PCLO: variants seen among roughly 807,000 people sequenced by gnomAD.
PCLO encodes piccolo presynaptic cytomatrix protein.
A neutral mutation model predicts 427.5 loss-of-function variants in PCLO; 82 were observed. The ratio of observed to expected loss-of-function variants is 0.19; its 90% confidence interval spans 0.16 to 0.23. The LOEUF (loss-of-function observed/expected upper bound fraction) is 0.23. PCLO is among the 10% of genes least tolerant of loss of function. The probability of loss-of-function intolerance (pLI) is 1.00; values close to 1 mark genes in which losing one functional copy is unlikely to be tolerated. For missense variants in PCLO, 6,239 were observed against 6,115.9 expected, an observed-to-expected ratio of 1.02 and a Z score of -0.67; for synonymous variants, 2,357 against 2,155.4, an observed-to-expected ratio of 1.09 and a Z score of -2.59.
intron 6 of PCLO, among the ~76,000 whole-genome samples, chr7:82,922,350 A>G (rs1794616399): frequency 6.6e-6 from 1 of 152,086 alleles, no homozygotes; most frequent in Admixed American, 6.6e-5. Flanking sequence ...ATGTCCATCA[A>G]TGGTAGACTA....
At chr7:82,781,943 C>T (rs888814991) in intron 22 of PCLO, among the ~76,000 whole-genome samples, 6 of 152,176 alleles carry the variant, frequency 3.9e-5, no homozygotes, top group African/African-American at 1.4e-4. Flanking sequence ...CATACCTTGC[C>T]CTGCACATCT....
At chr7:83,053,110 T>C (rs1583961388) in intron 3 of PCLO, among the ~76,000 whole-genome samples, 2 of 152,114 alleles carry the variant, frequency 1.3e-5, no homozygotes, top group South Asian at 2.1e-4. Context: ...ACGTACAGTA[T>C]TCAGTCATGT....
Position 83,154,624 on chromosome 7 carries a change from C to T in PCLO, c.1893+124G>A, listed in dbSNP as rs115324078. ...TACAACTGGCAGAAAACAAAACGAA[C>T]GAAGGAGGGGAGAATCCAGAGAAAG... On this transcript the variant is annotated intron_variant, in intron 2 of 24. Coordinates refer to ENST00000333891, the MANE Select transcript of PCLO (RefSeq NM_033026.6). 4.1e-3 allele frequency: 3,043 copies of T among 740,936 alleles called. 95 individuals carry two copies. The African/African-American group carries it at 0.049, about 12-fold the overall frequency. 45.9% of individuals were successfully genotyped at this position (740,936 alleles called of 1,614,324 possible).
chr7:82,914,993 T>G lies in PCLO; in HGVS notation c.12993A>C (p.Ala4331=). ...TCGGCTTAGTTCTGGCAGAGGATGATGCATGACTAAAGGAAACATCTAGAG... is the reference window on the plus strand; with the variant it reads ...TCGGCTTAGTTCTGGCAGAGGATGAGGCATGACTAAAGGAAACATCTAGAG... The part of the protein sequence containing the change: ...AEALDVSFSH[A]SSSARTKPTS... The change falls in exon 7 of 25, where the codon GCA becomes GCC. Residue 4331 remains alanine (A), a synonymous_variant. Coordinates refer to ENST00000333891, the MANE Select transcript of PCLO (RefSeq NM_033026.6). 6.2e-7 allele frequency: 1 copy of G among 1,613,702 alleles called. No homozygotes were observed. The highest frequency in any genetic ancestry group is 8.5e-7 in the Non-Finnish European group (1 of 1,179,732).
chr7:82,908,285 A>T (rs1337225755), intron 8 of PCLO, among the ~76,000 whole-genome samples: 2 of 152,064 alleles, frequency 1.3e-5, no homozygotes, highest in Non-Finnish European at 2.9e-5. Flanking sequence ...TTTAATTCTG[A>T]AATTTACCTC....
rs754978263 is a variant in PCLO at position 82,951,874 on chromosome 7, A to G, written c.9079T>C (p.Ser3027Pro). ...EGTDTAVDLT[S>P]GRVTTGEVMD... ...TACTGACCTGTAGTAACTCTCCCTG[A>G]AGTCAGATCTACTGCTGTGTCAGTT... is the stretch of plus-strand genomic sequence containing the variant. Residue 3027 changes from serine to proline, a missense_variant, in exon 5 of 25, where the codon TCA (serine) becomes CCA (proline). Coordinates refer to ENST00000333891, the MANE Select transcript of PCLO (RefSeq NM_033026.6). 3 of 1,612,912 alleles carry G rather than the reference A, an allele frequency of 1.9e-6. No homozygotes were observed. The highest frequency in any genetic ancestry group is 2.5e-6 in the Non-Finnish European group (3 of 1,179,426).
At chr7:82,844,096 A>G (rs995743228) in intron 13 of PCLO, among the ~76,000 whole-genome samples, 14 of 152,206 alleles carry the variant, frequency 9.2e-5, no homozygotes, top group African/African-American at 1.4e-4. Flanking sequence ...TAATTTAAAA[A>G]GAAGTTGTCT....
chr7:82,915,871 C>G lies in PCLO; in HGVS notation c.12115G>C (p.Asp4039His). 3 of 1,613,542 alleles carry G rather than the reference C, an allele frequency of 1.9e-6. No individual in the cohort carries two copies. The highest frequency in any genetic ancestry group is 2.5e-6 in the Non-Finnish European group (3 of 1,179,774). Residue 4039 changes from aspartate to histidine, a missense_variant, in exon 7 of 25, where the codon GAT (aspartate) becomes CAT (histidine). This residue lies in a region of PCLO where 680 missense variants were observed against 677.3 expected (regional missense o/e 1.00). Coordinates refer to ENST00000333891, the MANE Select transcript of PCLO (RefSeq NM_033026.6). The part of the protein sequence containing the change: ...ISADSFYADI[D>H]HHTPRNYVLI... The stretch of plus-strand genomic sequence containing the variant: ...ACATAATTTCGTGGAGTATGGTGAT[C>G]AATATCTGCATAGAAAGAATCTGCA...
chr7:83,090,350 G>A (rs1238276942), intron 3 of PCLO, among the ~76,000 whole-genome samples: 1 of 152,110 alleles, frequency 6.6e-6, no homozygotes, highest in Admixed American at 6.5e-5. Flanking sequence ...GAAACAGAAA[G>A]TAAACAAAAG....
chr7:82,841,563 T>G, intron 13 of PCLO, 54 bp from the exon 14 acceptor site: 1 of 1,106,214 alleles, frequency 9.0e-7, no homozygotes, highest in Non-Finnish European at 1.4e-6. Flanking sequence ...TCACATAATT[T>G]ATCATTTCGG....
intron 3 of PCLO, among the ~76,000 whole-genome samples, chr7:83,110,306 CTTT>C (rs549507221): frequency 6.7e-6 from 1 of 148,768 alleles, no homozygotes; most frequent in Non-Finnish European, 1.5e-5. Context: ...CTTTACATGC[CTTT>C]TTTTAATAAA....
intron 16 of PCLO, among the ~76,000 whole-genome samples, chr7:82,832,587 G>A (rs1397273773): frequency 6.6e-6 from 1 of 151,646 alleles, no homozygotes; most frequent in Admixed American, 6.6e-5. Context: ...TACTTTTAAG[G>A]CTGTCTGAAA....
chr7:83,134,218 A>AAT lies in PCLO; in HGVS notation c.3300+30_3300+31dup, dbSNP rs61658777. ...AACCCACAGACTCACCTCCATATGT[A>AAT]ATATATATATATATATATATATATA... is the stretch of plus-strand genomic sequence containing the variant. On this transcript the variant is annotated intron_variant, in intron 3 of 24. Coordinates refer to ENST00000333891, the MANE Select transcript of PCLO (RefSeq NM_033026.6). 0.25 allele frequency: 108,138 copies of AAT among 426,702 alleles called. 7,433 individuals carry two copies. The highest frequency in any genetic ancestry group is 0.37 in the African/African-American group (16,787 of 44,838). The allele number at this position is 426,702 out of a possible 1,614,324, so 26.4% of individuals were successfully genotyped here. A position where few individuals can be genotyped will look rare whatever the true frequency, so the allele number is the denominator to read the frequency against.
chr7:83,037,416 G>C (rs1267597793), intron 3 of PCLO, among the ~76,000 whole-genome samples: 2 of 151,952 alleles, frequency 1.3e-5, no homozygotes, highest in Non-Finnish European at 2.9e-5. Context: ...AATATATTTA[G>C]AATAATAGTT....
chr7:82,853,550 C>T (rs1792722808), intron 10 of PCLO, among the ~76,000 whole-genome samples: 1 of 152,040 alleles, frequency 6.6e-6, no homozygotes, highest in South Asian at 2.1e-4. Context: ...AACCCAATAA[C>T]TATAGGAATA....
chr7:83,034,440 C>T (rs372037729), intron 3 of PCLO, among the ~76,000 whole-genome samples: 5 of 152,310 alleles, frequency 3.3e-5, no homozygotes, highest in African/African-American at 9.6e-5. Context: ...CTGCTTGCCT[C>T]GGCCCCCACA....
At chr7:83,001,202 C>G (rs1787815263) in intron 3 of PCLO, among the ~76,000 whole-genome samples, 1 of 151,878 alleles carries the variant, frequency 6.6e-6, no homozygotes, top group South Asian at 2.1e-4. Context: ...TTTTAAAAGT[C>G]TGGAAACCAC....
intron 3 of PCLO, among the ~76,000 whole-genome samples, chr7:83,038,065 T>TTATATCTTTATATATATATCTTTATATA (rs1788867221): frequency 3.2e-5 from 1 of 31,558 alleles, no homozygotes; most frequent in African/African-American, 1.4e-4. Flanking sequence ...ATATATATAT[T>TTATATCTTTATATATATATCTTTATATA]TATATATTTA....
chr7:83,065,979 T>C (rs1789661577), intron 3 of PCLO, among the ~76,000 whole-genome samples: 1 of 152,136 alleles, frequency 6.6e-6, no homozygotes, highest in Non-Finnish European at 1.5e-5. Flanking sequence ...TCCTTAATTG[T>C]ATTCTGCCTG....
Sources: allele counts gnomAD v4.1 joint callset (sites outside exome capture counted in the v4.1 genomes callset), GRCh38; gene constraint gnomAD v4.1.1; regional missense constraint gnomAD v4.1.1; transcripts MANE v1.5; gene names NCBI Gene and HGNC (gene_info 2026-07-23, HGNC 2026-07-21).